The following PRPF38B variants were observed in gnomAD, a reference collection of about 807,000 sequenced individuals.
PRPF38B encodes pre-mRNA-splicing factor 38B.
A neutral mutation model predicts 67.2 loss-of-function variants in PRPF38B; 18 were observed. That is an observed-to-expected ratio of 0.27 (90% CI 0.19 to 0.40). PRPF38B has a LOEUF of 0.40. PRPF38B is among the 10% of genes least tolerant of loss of function. The pLI is 1.00. For synonymous variants in PRPF38B, 246 were observed against 234.2 expected (o/e 1.05, Z -0.46); for missense variants, 544 against 684.9 (o/e 0.79, Z 2.30).
chr1:108,692,951 C>T, intron 1 of PRPF38B, 84 bp downstream of exon 1: 3 of 1,505,038 alleles, frequency 2.0e-6, no homozygotes, highest in Non-Finnish European at 2.7e-6. Flanking sequence ...CCCCCGAAAT[C>T]TGAAGATTTG....
intron 1 of PRPF38B, chr1:108,693,560 C>G: frequency 1.0e-6 from 1 of 976,704 alleles, no homozygotes; most frequent in Non-Finnish European, 1.2e-6. Flanking sequence ...CCTCACTGCA[C>G]TCTTGTCTCA....
At chr1:108,696,460 A>T (rs1193044657) in intron 4 of PRPF38B, 123 bp downstream of exon 4, 4 of 863,678 alleles carry the variant, frequency 4.6e-6, no homozygotes, top group Non-Finnish European at 7.1e-6. Context: ...TCAGTGAGAT[A>T]CTTTTGGAAT....
chr1:108,692,444 C>T lies in PRPF38B; in HGVS notation c.-148C>T, dbSNP rs1179607575. On this transcript the variant is annotated 5_prime_UTR_variant, in exon 1 of 6. Coordinates refer to ENST00000370025, the MANE Select transcript of PRPF38B (RefSeq NM_018061.4). ...GGTCATTTTGTCGGCGTCGGGTGCC[C>T]TCTCTTGCCCAGCTGGGGCACAGCG... 1 of 960,082 alleles carries T rather than the reference C, an allele frequency of 1.0e-6. No homozygotes were observed. The highest frequency in any genetic ancestry group is 1.5e-6 in the Non-Finnish European group (1 of 669,598). The allele number at this position is 960,082 out of a possible 1,614,324, so 59.5% of individuals were successfully genotyped here.
chr1:108,698,590 T>G lies in PRPF38B; in HGVS notation c.559-14T>G, dbSNP rs201316945. 16 of 1,560,366 alleles carry G rather than the reference T, an allele frequency of 1.0e-5. No homozygotes were observed. In the African/African-American group the frequency reaches 2.2e-4, roughly 21 times the overall value. ...CTTTTTTTGACGGCTAGGGTATCTT[T>G]TGTGTTTCTGTAGGACCTAGATGTG... is the stretch of plus-strand genomic sequence containing the variant. On this transcript the variant is annotated splice_polypyrimidine_tract_variant and intron_variant, in intron 4 of 5. Coordinates refer to ENST00000370025, the MANE Select transcript of PRPF38B (RefSeq NM_018061.4).
intron 1 of PRPF38B, among the ~76,000 whole-genome samples, chr1:108,694,898 G>C (rs562665978): frequency 2.6e-5 from 4 of 151,956 alleles, no homozygotes; most frequent in Non-Finnish European, 5.9e-5. Context: ...GTTCCTCTTA[G>C]CAAATATGAT....
At chr1:108,693,746 T>C in intron 1 of PRPF38B, 1 of 571,306 alleles carries the variant, frequency 1.8e-6, no homozygotes, top group South Asian at 7.7e-5. Context: ...CTTTTGGTCC[T>C]TCACCAATTA....
In PRPF38B at chr1:108,699,966, T is replaced by C. The variant is rs1660304650; in HGVS notation, c.1587T>C (p.Ser529=). Residue 529 remains serine, a synonymous_variant, in exon 6 of 6, where the codon AGT becomes AGC. Transcript: ENST00000370025. Reference sequence around the variant, plus strand: ...AACATGATCGTCGAAGGAGCCAAAGTATAGAACAAGAGAGCCAAGAAAAAC... The same window carrying C: ...AACATGATCGTCGAAGGAGCCAAAGCATAGAACAAGAGAGCCAAGAAAAAC... The part of the protein sequence containing the change: ...SDKHDRRRSQ[S]IEQESQEKQH... The C allele has an allele frequency of 3.7e-6, 6 of 1,607,654 alleles. No homozygotes were observed. The highest frequency in any genetic ancestry group is 1.3e-5 in the African/African-American group (1 of 74,184).
In PRPF38B at chr1:108,700,699, A is replaced by C. The variant is rs970285644; in HGVS notation, c.*679A>C. The C allele has an allele frequency of 8.5e-5, 13 of 152,682 alleles. No individual in the cohort carries two copies. The highest frequency in any genetic ancestry group is 3.1e-4 in the African/African-American group (13 of 41,474). 9.5% of individuals were successfully genotyped at this position (152,682 alleles called of 1,614,324 possible). Reference sequence around the variant, plus strand: ...AGCATTCTACCTCAAAGGGACACTTAGTATGCCTAAAATTTATTCACTTAG... The same window carrying C: ...AGCATTCTACCTCAAAGGGACACTTCGTATGCCTAAAATTTATTCACTTAG... On this transcript the variant is annotated 3_prime_UTR_variant, in exon 6 of 6. Transcript: ENST00000370025.
intron 2 of PRPF38B, 22 bp from the exon 3 acceptor site, chr1:108,696,021 T>G: frequency 6.2e-7 from 1 of 1,605,326 alleles, no homozygotes; most frequent in Non-Finnish European, 8.5e-7. Context: ...TACTACTTTT[T>G]CTTAACTCGT....
Position 108,692,446 on chromosome 1 carries a change from C to G in PRPF38B, c.-146C>G. On this transcript the variant is annotated 5_prime_UTR_variant, in exon 1 of 6. Coordinates refer to ENST00000370025, the MANE Select transcript of PRPF38B (RefSeq NM_018061.4). ...TCATTTTGTCGGCGTCGGGTGCCCT[C>G]TCTTGCCCAGCTGGGGCACAGCGAG... The G allele has an allele frequency of 3.0e-6, 3 of 997,590 alleles. No homozygotes were observed. Among genetic ancestry groups the G allele is most frequent in the South Asian group, 3.4e-5 (2 of 58,374 alleles). The allele number at this position is 997,590 out of a possible 1,614,324, so 61.8% of individuals were successfully genotyped here.
chr1:108,693,385 ATT>A (rs1659532018), intron 1 of PRPF38B, among the ~76,000 whole-genome samples: 1 of 152,118 alleles, frequency 6.6e-6, no homozygotes, highest in African/African-American at 2.4e-5. Flanking sequence ...GAGAGGTGCC[ATT>A]TCAAGAGGTG....
chr1:108,699,986 A>G lies in PRPF38B; in HGVS notation c.1607A>G (p.Glu536Gly), dbSNP rs1386842684. 6.3e-7 allele frequency: 1 copy of G among 1,592,684 alleles called. No individual in the cohort carries two copies. Among genetic ancestry groups the G allele is most frequent in the Non-Finnish European group, 8.5e-7 (1 of 1,173,950 alleles). Reference protein sequence around the residue: ...RSQSIEQESQEKQHKNKDETV With the variant: ...RSQSIEQESQGKQHKNKDETV Reference sequence around the variant, plus strand: ...CAAAGTATAGAACAAGAGAGCCAAGAAAAACAGCATAAAAACAAAGATGAG... The same window carrying G: ...CAAAGTATAGAACAAGAGAGCCAAGGAAAACAGCATAAAAACAAAGATGAG... The change falls in exon 6 of 6, where the codon GAA becomes GGA. Residue 536 changes from glutamate (E) to glycine (G), a missense_variant. Around this residue, in one of 5 missense-constraint regions of PRPF38B, gnomAD observed 387 missense variants for 386.1 expected, o/e 1.00. Transcript: ENST00000370025.
rs778386220 is a variant in PRPF38B, at chr1:108,692,572, C to CTCCT, written c.-12_-9dup. On this transcript the variant is annotated 5_prime_UTR_variant, in exon 1 of 6. Transcript: ENST00000370025. ...CCCCCTCCCCCCCCTCCTTCCCTCCCTCCTTCCTTCCGCCGCAACATGGCT... is the reference window on the plus strand; with the variant it reads ...CCCCCTCCCCCCCCTCCTTCCCTCCCTCCTTCCTTCCTTCCGCCGCAACATGGCT... 1 of 1,540,628 alleles carries CTCCT rather than the reference C, an allele frequency of 6.5e-7. No homozygotes were observed. Among genetic ancestry groups the CTCCT allele is most frequent in the Non-Finnish European group, 8.7e-7 (1 of 1,144,434 alleles).
Position 108,700,277 on chromosome 1 carries a change from T to C in PRPF38B, c.*257T>C. On this transcript the variant is annotated 3_prime_UTR_variant, in exon 6 of 6. Transcript: ENST00000370025. ...TTGTTTGTTTTTGAAATGTACAGTC[T>C]GTACATATGTCCTGAAAATGTTTTA... 1 of 430,006 alleles carries C rather than the reference T, an allele frequency of 2.3e-6. No homozygotes were observed. The highest frequency in any genetic ancestry group is 3.7e-6 in the Non-Finnish European group (1 of 271,534). 26.6% of individuals were successfully genotyped at this position (430,006 alleles called of 1,614,324 possible). A position where few individuals can be genotyped will look rare whatever the true frequency, so the allele number is the denominator to read the frequency against.
Position 108,700,531 on chromosome 1 carries a change from C to G in PRPF38B, c.*511C>G, listed in dbSNP as rs902230156. On this transcript the variant is annotated 3_prime_UTR_variant, in exon 6 of 6. Coordinates refer to ENST00000370025, the MANE Select transcript of PRPF38B (RefSeq NM_018061.4). ...AAGGCAGCATTGTAGGATTAACATTCTTGTCTACTGTATATTATCTTGGAA... is the reference window on the plus strand; with the variant it reads ...AAGGCAGCATTGTAGGATTAACATTGTTGTCTACTGTATATTATCTTGGAA... 6.5e-6 allele frequency: 1 copy of G among 153,416 alleles called. No individual in the cohort carries two copies. Among genetic ancestry groups the G allele is most frequent in the African/African-American group, 2.4e-5 (1 of 41,444 alleles). 9.5% of individuals were successfully genotyped at this position (153,416 alleles called of 1,614,324 possible).
At position 108,701,263 on chromosome 1, in the gene PRPF38B, A is replaced by G. The variant is rs766653213; in HGVS notation, c.*1243A>G. The G allele has an allele frequency of 1.3e-5, 2 of 152,642 alleles. No individual in the cohort carries two copies. The highest frequency in any genetic ancestry group is 2.9e-5 in the Non-Finnish European group (2 of 68,032). 9.5% of individuals were successfully genotyped at this position (152,642 alleles called of 1,614,324 possible). A position where few individuals can be genotyped will look rare whatever the true frequency, so the allele number is the denominator to read the frequency against. ...TTGTGGAAATTGATGAAACGTCAGTAGAGTCACACTTTGTGTACAGGGATG... is the reference window on the plus strand; with the variant it reads ...TTGTGGAAATTGATGAAACGTCAGTGGAGTCACACTTTGTGTACAGGGATG... On this transcript the variant is annotated 3_prime_UTR_variant, in exon 6 of 6. Coordinates refer to ENST00000370025, the MANE Select transcript of PRPF38B (RefSeq NM_018061.4).
Position 108,696,201 on chromosome 1 carries a change from G to A in PRPF38B, c.497+7G>A, listed in dbSNP as rs192058455. 51 of 1,611,220 alleles carry A rather than the reference G, an allele frequency of 3.2e-5. No homozygotes were observed. The Admixed American group carries it at 4.2e-4, about 13-fold the overall frequency. On this transcript the variant is annotated splice_region_variant and intron_variant, in intron 3 of 5. Transcript: ENST00000370025. Reference sequence around the variant, plus strand: ...TTGGATTTATGTATATAAGGTGAGCGTACATTTATGTACATTTCCAGTAAA... The same window carrying A: ...TTGGATTTATGTATATAAGGTGAGCATACATTTATGTACATTTCCAGTAAA...
At chr1:108,697,461 C>G (rs937094453) in intron 4 of PRPF38B, 7 of 149,826 alleles carry the variant, frequency 4.7e-5, no homozygotes, top group African/African-American at 7.5e-5. Flanking sequence ...TAATGGAAAT[C>G]TATTGTGTTT....
Position 108,696,243 on chromosome 1 carries a change from A to T in PRPF38B, c.498-34A>T, listed in dbSNP as rs1486298458. The T allele has an allele frequency of 1.9e-6, 3 of 1,610,430 alleles. No homozygotes were observed. The African/African-American group carries it at 4.0e-5, about 22-fold the overall frequency. ...TCCAGTAAATATCTCATTTTAATTC[A>T]CATGTGTTTAATAATAGTCTTTTGT... On this transcript the variant is annotated intron_variant, in intron 3 of 5. Coordinates refer to ENST00000370025, the MANE Select transcript of PRPF38B (RefSeq NM_018061.4).
Sources: allele counts gnomAD v4.1 joint callset (sites outside exome capture counted in the v4.1 genomes callset), GRCh38; gene constraint gnomAD v4.1.1; regional missense constraint gnomAD v4.1.1; transcripts MANE v1.5; gene names NCBI Gene and HGNC (gene_info 2026-07-23, HGNC 2026-07-21).